Variants in PRKAG2 observed in about 807,000 individuals in gnomAD.
PRKAG2 encodes the protein 5'-AMP-activated protein kinase subunit gamma-2.
A neutral mutation model predicts 69.6 loss-of-function variants in PRKAG2; 26 were observed. That is an observed-to-expected ratio of 0.37 (90% CI 0.27 to 0.52). The LOEUF is 0.52. Among genes scored for constraint, PRKAG2 ranks in the 20% least tolerant of loss-of-function variants. The probability of loss-of-function intolerance (pLI) is 0.90; values close to 1 mark genes in which losing one functional copy is unlikely to be tolerated. For missense variants in PRKAG2, 557 were observed against 740.0 expected, an observed-to-expected ratio of 0.75 and a Z score of 2.87; for synonymous variants, 293 against 285.0, an observed-to-expected ratio of 1.03 and a Z score of -0.28.
intron 1 of PRKAG2, among the ~76,000 whole-genome samples, chr7:151,830,960 T>C (rs1021733883): frequency 6.6e-6 from 1 of 151,676 alleles, no homozygotes; most frequent in Non-Finnish European, 1.5e-5. Context: ...GATTCACGAA[T>C]GACCAATAAG....
chr7:151,602,083 G>C (rs192526149), intron 5 of PRKAG2, among the ~76,000 whole-genome samples: 125 of 152,350 alleles, frequency 8.2e-4, no homozygotes, highest in East Asian at 5.6e-3. Flanking sequence ...GATCTGGTCC[G>C]TGTCCGCCAT....
intron 3 of PRKAG2, among the ~76,000 whole-genome samples, chr7:151,703,758 A>G (rs1838111430): frequency 6.6e-6 from 1 of 151,370 alleles, no homozygotes; most frequent in African/African-American, 2.4e-5. Context: ...TAATCCCAGC[A>G]CTTTGGGAGG....
rs187778453 is a variant in PRKAG2, at chr7:151,867,163, T to G, written c.114+9344A>C. Among the ~76,000 whole-genome samples, 299 of 152,288 alleles carry G rather than the reference T, an allele frequency of 2.0e-3. 2 individuals carry two copies. Among genetic ancestry groups the G allele is most frequent in the Admixed American group, 0.017 (254 of 15,304 alleles). On this transcript the variant is annotated intron_variant, in intron 1 of 15. Transcript: ENST00000287878. ...TTGGCCACCTCTCCAGGCCATGCCA[T>G]GGAGCCCCTCAGTGCAAGCCCCTGC...
At chr7:151,757,848 A>G (rs1263795468) in intron 3 of PRKAG2, among the ~76,000 whole-genome samples, 1 of 152,250 alleles carries the variant, frequency 6.6e-6, no homozygotes, top group East Asian at 1.9e-4. Flanking sequence ...GTACCTAGTC[A>G]GGGTCAATAT....
chr7:151,599,562 G>C lies in PRKAG2; in HGVS notation c.755-4108C>G, dbSNP rs548739629. 2.6e-5 allele frequency among the ~76,000 whole-genome samples: 4 copies of C among 152,158 alleles called. No individual in the cohort carries two copies. In the East Asian group the frequency reaches 7.7e-4, roughly 29 times the overall value. ...GTGGAAGACAATTTTTCCACTGGGGGTGGTAGTGGGTGGTTTCAGGATGAA... is the reference window on the plus strand; with the variant it reads ...GTGGAAGACAATTTTTCCACTGGGGCTGGTAGTGGGTGGTTTCAGGATGAA... On this transcript the variant is annotated intron_variant, in intron 5 of 15. Coordinates refer to ENST00000287878, the MANE Select transcript of PRKAG2 (RefSeq NM_016203.4).
At chr7:151,847,835 T>C (rs1010484203) in intron 1 of PRKAG2, among the ~76,000 whole-genome samples, 2 of 152,216 alleles carry the variant, frequency 1.3e-5, no homozygotes, top group Non-Finnish European at 2.9e-5. Context: ...AGCATCCGTT[T>C]AGGCAGGTGA....
At chr7:151,706,725 T>C (rs369615108) in intron 3 of PRKAG2, among the ~76,000 whole-genome samples, 1 of 152,262 alleles carries the variant, frequency 6.6e-6, no homozygotes, top group African/African-American at 2.4e-5. Flanking sequence ...AGACTAGGCG[T>C]TAGCTGTGGC....
chr7:151,663,275 G>T (rs1830578679), intron 4 of PRKAG2, among the ~76,000 whole-genome samples: 9 of 152,246 alleles, frequency 5.9e-5, no homozygotes, highest in Admixed American at 5.2e-4. Flanking sequence ...TCCTCAATCA[G>T]CCCAAAAGCA....
Position 151,814,773 on chromosome 7 carries a change from T to C in PRKAG2, c.115-28232A>G. 1 of 1,231,786 alleles carries C rather than the reference T, an allele frequency of 8.1e-7. No homozygotes were observed. Among genetic ancestry groups the C allele is most frequent in the Non-Finnish European group, 1.0e-6 (1 of 987,994 alleles). 76.3% of individuals were successfully genotyped at this position (1,231,786 alleles called of 1,614,324 possible). On this transcript the variant is annotated intron_variant, in intron 1 of 15. Coordinates refer to ENST00000287878, the MANE Select transcript of PRKAG2 (RefSeq NM_016203.4). This position sits in a 1 kb window ranked among gnomAD's most constrained non-coding sequence, Gnocchi z 4.8. ...GTCTTGGTGGCTGGAGCTGCTTTGC[T>C]GCTCAAAATGCAGGCAGAGCTCGGG...
chr7:151,814,316 A>T lies in PRKAG2; in HGVS notation c.115-27775T>A. ...AAAGCCACAATTCAGCATCAGTCTT[A>T]CACACCAAGGAGACAAAGCATCGTG... On this transcript the variant is annotated intron_variant, in intron 1 of 15. Transcript: ENST00000287878. This position sits in a 1 kb window ranked among gnomAD's most constrained non-coding sequence, Gnocchi z 4.8. 1 of 836,608 alleles carries T rather than the reference A, an allele frequency of 1.2e-6. No individual in the cohort carries two copies. The highest frequency in any genetic ancestry group is 1.8e-5 in the African/African-American group (1 of 56,374). 51.8% of individuals were successfully genotyped at this position (836,608 alleles called of 1,614,324 possible). A position where few individuals can be genotyped will look rare whatever the true frequency, so the allele number is the denominator to read the frequency against.
Position 151,593,187 on chromosome 7 carries a change from AT to A in PRKAG2, c.864+2157del, listed in dbSNP as rs535801266. On this transcript the variant is annotated intron_variant, in intron 6 of 15. Coordinates refer to ENST00000287878, the MANE Select transcript of PRKAG2 (RefSeq NM_016203.4). ...AAATCAGCTGTTACTTGTTATTATT[AT>A]TTTTTGAGAGTCTTGCTTTGTTGGA... Among the ~76,000 whole-genome samples, 716 of 152,190 alleles carry A rather than the reference AT, an allele frequency of 4.7e-3. 2 individuals carry two copies. The highest frequency in any genetic ancestry group is 7.2e-3 in the Non-Finnish European group (489 of 68,014).
intron 1 of PRKAG2, among the ~76,000 whole-genome samples, chr7:151,847,708 C>T (rs1453291270): frequency 6.6e-6 from 1 of 152,252 alleles, no homozygotes; most frequent in African/African-American, 2.4e-5. Context: ...AGCCCTTGCT[C>T]CCAGCCTGGG....
chr7:151,833,156 G>T (rs1047865504), intron 1 of PRKAG2, among the ~76,000 whole-genome samples: 6 of 152,222 alleles, frequency 3.9e-5, no homozygotes, highest in Non-Finnish European at 8.8e-5. Context: ...AATCAGGTGT[G>T]ATCAGTGCAA....
intron 6 of PRKAG2, among the ~76,000 whole-genome samples, chr7:151,590,838 T>C (rs554130932): frequency 4.8e-4 from 73 of 152,352 alleles, no homozygotes; most frequent in African/African-American, 1.5e-3. Context: ...GTGGGACTGA[T>C]TGCTATGAGT....
chr7:151,582,275 G>C (rs1485137305), intron 6 of PRKAG2, among the ~76,000 whole-genome samples: 4 of 152,118 alleles, frequency 2.6e-5, no homozygotes, highest in Non-Finnish European at 4.4e-5. Context: ...TCAGCCTCCT[G>C]AGTAGCTGGG....
intron 11 of PRKAG2, 127 bp downstream of exon 11, chr7:151,568,589 G>T: frequency 9.9e-7 from 1 of 1,011,374 alleles, no homozygotes; most frequent in Non-Finnish European, 1.5e-6. Flanking sequence ...AGAAACTGAA[G>T]TTTAGAAAGG....
rs2078959755 is a variant in PRKAG2, at chr7:151,828,696, G to A, written c.115-42155C>T. On this transcript the variant is annotated intron_variant, in intron 1 of 15. Coordinates refer to ENST00000287878, the MANE Select transcript of PRKAG2 (RefSeq NM_016203.4). The surrounding 1 kb of genome is among the most constrained non-coding windows in gnomAD (Gnocchi z 4.6). ...AGCACTTTGGGAGGCCAAAATGGGAGGACTGCTTGAGCTCGGGAGTTTGAG... is the reference window on the plus strand; with the variant it reads ...AGCACTTTGGGAGGCCAAAATGGGAAGACTGCTTGAGCTCGGGAGTTTGAG... Among the ~76,000 whole-genome samples, 1 of 152,012 alleles carries A rather than the reference G, an allele frequency of 6.6e-6. No individual in the cohort carries two copies. The highest frequency in any genetic ancestry group is 2.4e-5 in the African/African-American group (1 of 41,362).
intron 1 of PRKAG2, among the ~76,000 whole-genome samples, chr7:151,791,604 C>T (rs2077276270): frequency 6.6e-6 from 1 of 152,184 alleles, no homozygotes; most frequent in South Asian, 2.1e-4. Flanking sequence ...AGACCTTGAC[C>T]ACATGTGTTG....
intron 4 of PRKAG2, among the ~76,000 whole-genome samples, chr7:151,644,216 C>T (rs1827200036): frequency 6.6e-6 from 1 of 152,064 alleles, no homozygotes; most frequent in African/African-American, 2.4e-5. Context: ...AACCAAATAC[C>T]ACCTGTATGC....
Sources: gnomAD v4.1 joint callset for allele counts (sites outside exome capture counted in the v4.1 genomes callset) on GRCh38, gnomAD v4.1.1 for gene constraint, Gnocchi (gnomAD v3.1) non-coding constraint, MANE v1.5 for transcripts, NCBI Gene and HGNC (gene_info 2026-07-23, HGNC 2026-07-21) for gene names.